The following MVB12B variants were observed in gnomAD, a reference collection of about 807,000 sequenced individuals.
MVB12B encodes multivesicular body subunit 12B.
A neutral mutation model predicts 41.6 loss-of-function variants in MVB12B; 16 were observed. The ratio of observed to expected loss-of-function variants is 0.38; its 90% CI spans 0.26 to 0.58. MVB12B has a LOEUF of 0.58. Ranked by LOEUF, MVB12B falls within the 20% of genes least tolerant of loss-of-function variation. The pLI, the probability that MVB12B is intolerant of heterozygous loss-of-function variation, is 0.62. For missense variants in MVB12B, 274 were observed against 380.2 expected, an observed-to-expected ratio of 0.72 and a Z score of 2.32; for synonymous variants, 133 against 139.7, an observed-to-expected ratio of 0.95 and a Z score of 0.34.
In MVB12B at chr9:126,376,672, G is replaced by A; in HGVS notation, c.205-4392G>A. The A allele has an allele frequency of 7.8e-7, 1 of 1,286,000 alleles. No individual in the cohort carries two copies. The highest frequency in any genetic ancestry group is 1.0e-6 in the Non-Finnish European group (1 of 986,244). The allele number at this position is 1,286,000 out of a possible 1,614,324, so 79.7% of individuals were successfully genotyped here. On this transcript the variant is annotated intron_variant, in intron 2 of 9. Coordinates refer to ENST00000361171, the MANE Select transcript of MVB12B (RefSeq NM_033446.3). This position sits in a 1 kb window ranked among gnomAD's most constrained non-coding sequence, Gnocchi z 4.1. Reference sequence around the variant, plus strand: ...GAGGGGCCTGCCATTGCCATTCAGTGTGTACGCTTGGTTACTCAATTACCC... The same window carrying A: ...GAGGGGCCTGCCATTGCCATTCAGTATGTACGCTTGGTTACTCAATTACCC...
At chr9:126,432,085 G>A (rs1172398957) in intron 7 of MVB12B, among the ~76,000 whole-genome samples, 2 of 152,182 alleles carry the variant, frequency 1.3e-5, no homozygotes, top group Non-Finnish European at 2.9e-5. Flanking sequence ...CAGACATTCT[G>A]TCCAAACACT....
At chr9:126,363,413 A>C (rs1250315600) in intron 2 of MVB12B, among the ~76,000 whole-genome samples, 1 of 152,076 alleles carries the variant, frequency 6.6e-6, no homozygotes, top group African/African-American at 2.4e-5. Context: ...GAATGTAAGA[A>C]GTGATCGACC....
intron 7 of MVB12B, among the ~76,000 whole-genome samples, chr9:126,463,909 A>G (rs1024915220): frequency 6.6e-6 from 1 of 152,194 alleles, no homozygotes; most frequent in African/African-American, 2.4e-5. Context: ...ACTCAAGCCT[A>G]CTATCTTCGT....
At position 126,326,995 on chromosome 9, in the gene MVB12B, G is replaced by A; in HGVS notation, c.66G>A (p.Pro22=). ...DPPPPQPPPP[P]PQRGTDQSTM... ...CGCCGCCGCAGCCACCGCCGCCGCCGCCCCAGCGGGGAACAGTTAAGTGAG... is the reference window on the plus strand; with the variant it reads ...CGCCGCCGCAGCCACCGCCGCCGCCACCCCAGCGGGGAACAGTTAAGTGAG... The change falls in exon 1 of 10, where the codon CCG becomes CCA. Residue 22 remains proline, a synonymous_variant. Transcript: ENST00000361171. 8.4e-6 allele frequency: 2 copies of A among 238,080 alleles called. No homozygotes were observed. The highest frequency in any genetic ancestry group is 8.4e-6 in the Non-Finnish European group (1 of 119,142). The allele number at this position is 238,080 out of a possible 1,614,324, so 14.7% of individuals were successfully genotyped here. A position where few individuals can be genotyped will look rare whatever the true frequency, so the allele number is the denominator to read the frequency against.
intron 6 of MVB12B, among the ~76,000 whole-genome samples, chr9:126,420,561 C>A (rs1037952222): frequency 1.0e-5 from 1 of 98,868 alleles, no homozygotes. Context: ...TCCCAGGAGT[C>A]TTTTTTTTTT....
chr9:126,488,581 C>T (rs1400272435), intron 9 of MVB12B, among the ~76,000 whole-genome samples: 3 of 152,144 alleles, frequency 2.0e-5, no homozygotes, highest in African/African-American at 4.8e-5. Context: ...CACCCATTTA[C>T]GGAAGTCTGG....
At chr9:126,406,096 G>A (rs530322118) in intron 6 of MVB12B, among the ~76,000 whole-genome samples, 6 of 151,674 alleles carry the variant, frequency 4.0e-5, no homozygotes, top group Admixed American at 1.3e-4. Flanking sequence ...CCAGGCTGGC[G>A]TGTTGAGAAG....
rs546819009 is a variant in MVB12B at position 126,366,331 on chromosome 9, C to T, written c.205-14733C>T. On this transcript the variant is annotated intron_variant, in intron 2 of 9. Coordinates refer to ENST00000361171, the MANE Select transcript of MVB12B (RefSeq NM_033446.3). The stretch of plus-strand genomic sequence containing the variant: ...TCATCTCTACTTTGGTTACTGTTGA[C>T]CAATTTCCTCCTGCCTTAATATATT... Among the ~76,000 whole-genome samples the T allele has an allele frequency of 2.6e-5, 4 of 152,180 alleles. No homozygotes were observed. In the South Asian group the frequency reaches 8.3e-4, roughly 32 times the overall value.
intron 7 of MVB12B, among the ~76,000 whole-genome samples, chr9:126,450,118 G>A (rs550661367): frequency 2.0e-5 from 3 of 152,342 alleles, no homozygotes; most frequent in South Asian, 2.1e-4. Context: ...AGTTCATGTC[G>A]CAGTCTGGTC....
chr9:126,333,696 C>T lies in MVB12B; in HGVS notation c.81+6686C>T, dbSNP rs1401245357. ...GGATTACAGGCGTGAGCCACCATGC[C>T]CGTGTGTGACCCTGGTTTTAAATGG... On this transcript the variant is annotated intron_variant, in intron 1 of 9. Coordinates refer to ENST00000361171, the MANE Select transcript of MVB12B (RefSeq NM_033446.3). This position sits in a 1 kb window ranked among gnomAD's most constrained non-coding sequence, Gnocchi z 4.7. 6.6e-6 allele frequency among the ~76,000 whole-genome samples: 1 copy of T among 152,170 alleles called. No homozygotes were observed. The highest frequency in any genetic ancestry group is 2.4e-5 in the African/African-American group (1 of 41,422).
At chr9:126,498,225 G>C (rs1213417617) in intron 9 of MVB12B, among the ~76,000 whole-genome samples, 1 of 152,198 alleles carries the variant, frequency 6.6e-6, no homozygotes, top group African/African-American at 2.4e-5. Context: ...CCGAGGCCGT[G>C]GGAGTGCCTG....
Position 126,357,062 on chromosome 9 carries a change from C to T in MVB12B, c.204+16432C>T, listed in dbSNP as rs141476071. Reference sequence around the variant, plus strand: ...TCCCCCAACCCCACTTCTAGGAAACCGTTGGTCTACTTACTTTCTGTCACT... The same window carrying T: ...TCCCCCAACCCCACTTCTAGGAAACTGTTGGTCTACTTACTTTCTGTCACT... On this transcript the variant is annotated intron_variant, in intron 2 of 9. Transcript: ENST00000361171. Among the ~76,000 whole-genome samples the T allele has an allele frequency of 3.0e-3, 457 of 152,276 alleles. 2 individuals are homozygous for T. The highest frequency in any genetic ancestry group is 0.027 in the Middle Eastern group (8 of 294).
intron 2 of MVB12B, among the ~76,000 whole-genome samples, chr9:126,360,049 T>A (rs867541447): frequency 4.6e-5 from 7 of 152,206 alleles, no homozygotes; most frequent in South Asian, 2.1e-4. Flanking sequence ...TTTTCTAACA[T>A]AAGCATTTAA....
At chr9:126,464,286 C>T (rs1383790628) in intron 7 of MVB12B, among the ~76,000 whole-genome samples, 1 of 152,190 alleles carries the variant, frequency 6.6e-6, no homozygotes, top group Non-Finnish European at 1.5e-5. Flanking sequence ...AAAGGACTCT[C>T]CAGGCTGATC....
intron 6 of MVB12B, among the ~76,000 whole-genome samples, chr9:126,400,754 T>C (rs1588141303): frequency 6.6e-6 from 1 of 152,126 alleles, no homozygotes; most frequent in African/African-American, 2.4e-5. Context: ...TAGTGGAGAG[T>C]TGCTGCTGTG....
intron 6 of MVB12B, among the ~76,000 whole-genome samples, chr9:126,419,498 G>A (rs1192625033): frequency 5.3e-5 from 8 of 152,196 alleles, no homozygotes; most frequent in African/African-American, 7.2e-5. Context: ...CTCGAGGGGC[G>A]TTGTGAGGAG....
intron 6 of MVB12B, chr9:126,408,334 A>G (rs1042173178): frequency 1.3e-5 from 2 of 152,246 alleles, no homozygotes; most frequent in Admixed American, 1.3e-4. Context: ...ATCACTCCTC[A>G]TTAAAAGAGA....
At chr9:126,336,030 G>T (rs1432853945) in intron 1 of MVB12B, among the ~76,000 whole-genome samples, 3 of 152,270 alleles carry the variant, frequency 2.0e-5, no homozygotes, top group African/African-American at 7.2e-5. Context: ...AGGCCGAGAT[G>T]GTGGGAGGCT....
intron 7 of MVB12B, among the ~76,000 whole-genome samples, chr9:126,441,844 T>C (rs1042413745): frequency 6.6e-6 from 1 of 152,248 alleles, no homozygotes; most frequent in African/African-American, 2.4e-5. Flanking sequence ...AAGTGGACCA[T>C]TAATGATTAG....
Sources: allele counts gnomAD v4.1 joint callset (sites outside exome capture counted in the v4.1 genomes callset), GRCh38; gene constraint gnomAD v4.1.1; non-coding constraint Gnocchi (gnomAD v3.1); transcripts MANE v1.5; gene names NCBI Gene and HGNC (gene_info 2026-07-23, HGNC 2026-07-21).